Variants in AGBL4 observed in about 807,000 individuals in gnomAD.
The protein encoded by AGBL4 is cytosolic carboxypeptidase 6.
A neutral mutation model predicts 66.4 loss-of-function variants in AGBL4; 58 were observed. The observed-to-expected ratio is 0.87, with a 90% CI of 0.71 to 1.09. The LOEUF (loss-of-function observed/expected upper bound fraction) is 1.09. AGBL4 is among the 50% of genes least tolerant of loss of function. The probability of loss-of-function intolerance (pLI) is 0.00; values close to 1 mark genes in which losing one functional copy is unlikely to be tolerated. For synonymous variants in AGBL4, 234 were observed against 222.9 expected, an observed-to-expected ratio of 1.05 and a Z score of -0.44; for missense variants, 579 against 631.0, an observed-to-expected ratio of 0.92 and a Z score of 0.88.
At chr1:49,970,791 AATC>A (rs1374612008) in intron 1 of AGBL4, among the ~76,000 whole-genome samples, 1 of 151,916 alleles carries the variant, frequency 6.6e-6, no homozygotes, top group East Asian at 1.9e-4. Context: ...CAACATCATA[AATC>A]ATCAGGGAAA....
intron 5 of AGBL4, among the ~76,000 whole-genome samples, chr1:48,891,635 A>G (rs930010470): frequency 7.9e-5 from 12 of 152,230 alleles, no homozygotes; most frequent in Admixed American, 5.2e-4. Context: ...TTCAAATAAG[A>G]TAAGAGTTCA....
intron 3 of AGBL4, among the ~76,000 whole-genome samples, chr1:49,359,382 T>C (rs1012782404): frequency 6.6e-6 from 1 of 152,194 alleles, no homozygotes; most frequent in African/African-American, 2.4e-5. Flanking sequence ...TCTGAGGTAA[T>C]AGTTTAATAT....
intron 6 of AGBL4, among the ~76,000 whole-genome samples, chr1:48,680,525 C>A (rs12729782): frequency 0.024 from 3,615 of 152,320 alleles, 56 homozygotes; most frequent in South Asian, 0.042. Context: ...CAATCACTCC[C>A]CGACCCTGTC....
At chr1:49,559,266 T>A (rs1365019146) in intron 3 of AGBL4, among the ~76,000 whole-genome samples, 1 of 152,108 alleles carries the variant, frequency 6.6e-6, no homozygotes, top group Admixed American at 6.5e-5. Context: ...GGGAAAATAA[T>A]AGGAATCTCT....
chr1:49,153,178 C>G (rs1476533232), intron 4 of AGBL4, among the ~76,000 whole-genome samples: 9 of 152,002 alleles, frequency 5.9e-5, no homozygotes. Context: ...CTCATGATGC[C>G]CTAATCTCAA....
intron 6 of AGBL4, among the ~76,000 whole-genome samples, chr1:48,837,544 C>T (rs1385861558): frequency 6.6e-6 from 1 of 151,336 alleles, no homozygotes; most frequent in African/African-American, 2.4e-5. Flanking sequence ...TGCTTCCTGC[C>T]CTTGAACAAT....
chr1:49,051,401 T>G (rs61787583), intron 4 of AGBL4, among the ~76,000 whole-genome samples: 3,002 of 152,254 alleles, frequency 0.02, 44 homozygotes, highest in Non-Finnish European at 0.032. Context: ...CTCAGATTTA[T>G]CCAACAACGG....
chr1:49,735,968 G>T (rs1482490824), intron 2 of AGBL4, among the ~76,000 whole-genome samples: 1 of 151,780 alleles, frequency 6.6e-6, no homozygotes, highest in Admixed American at 6.6e-5. Context: ...TTAAAGATGG[G>T]TCAACTGAAA....
chr1:49,572,906 T>C (rs1042401439), intron 3 of AGBL4, among the ~76,000 whole-genome samples: 22 of 151,988 alleles, frequency 1.4e-4, no homozygotes, highest in Non-Finnish European at 2.8e-4. Context: ...CCAGTAAACA[T>C]AAAGTGGGCA....
chr1:49,845,012 G>T, intron 2 of AGBL4: 1 of 1,439,128 alleles, frequency 6.9e-7, no homozygotes, highest in Admixed American at 2.0e-5. Flanking sequence ...TGGGGAACAC[G>T]TGGAAAAAGG....
chr1:49,382,934 G>A (rs1644654097), intron 3 of AGBL4, among the ~76,000 whole-genome samples: 2 of 152,240 alleles, frequency 1.3e-5, no homozygotes, highest in South Asian at 2.1e-4. Context: ...TAGCCCATGA[G>A]TTCAAATCCA....
chr1:48,743,979 G>C (rs1385745437), intron 6 of AGBL4, among the ~76,000 whole-genome samples: 1 of 152,196 alleles, frequency 6.6e-6, no homozygotes, highest in Non-Finnish European at 1.5e-5. Context: ...GCACAAAGCT[G>C]AATGCAAGAT....
intron 11 of AGBL4, among the ~76,000 whole-genome samples, chr1:48,568,856 T>C (rs966194076): frequency 6.6e-6 from 1 of 152,202 alleles, no homozygotes; most frequent in Non-Finnish European, 1.5e-5. Flanking sequence ...CTCTTATTAA[T>C]AGTAATGTTT....
chr1:49,123,915 G>T (rs982568099), intron 4 of AGBL4, among the ~76,000 whole-genome samples: 2 of 152,050 alleles, frequency 1.3e-5, no homozygotes, highest in African/African-American at 4.8e-5. Context: ...CTCTCATTTT[G>T]CCAGAAGGGA....
At chr1:48,568,288 C>G (rs1418150631) in intron 11 of AGBL4, among the ~76,000 whole-genome samples, 2 of 152,084 alleles carry the variant, frequency 1.3e-5, no homozygotes, top group African/African-American at 2.4e-5. Flanking sequence ...TTAAACAACA[C>G]TCTTCTCTCT....
chr1:48,880,664 A>C (rs190751685), intron 5 of AGBL4, among the ~76,000 whole-genome samples: 21 of 152,260 alleles, frequency 1.4e-4, no homozygotes, highest in South Asian at 4.2e-4. Context: ...CCATTCTTGC[A>C]GGAGTAAGGT....
At chr1:49,487,194 C>T (rs1216257941) in intron 3 of AGBL4, among the ~76,000 whole-genome samples, 6 of 151,968 alleles carry the variant, frequency 3.9e-5, no homozygotes, top group Non-Finnish European at 1.5e-5. Context: ...TTTCATCCAA[C>T]TCATAACAAC....
chr1:48,872,829 G>A (rs1348695946), intron 5 of AGBL4, among the ~76,000 whole-genome samples: 3 of 152,084 alleles, frequency 2.0e-5, no homozygotes, highest in African/African-American at 7.2e-5. Flanking sequence ...TAAAAAGAGC[G>A]TACGCCAACC....
At chr1:49,847,147 C>T in intron 2 of AGBL4, among the ~76,000 whole-genome samples, 1 of 152,120 alleles carries the variant, frequency 6.6e-6, no homozygotes, top group East Asian at 1.9e-4. Context: ...GCCAACTACA[C>T]ATACATTGGG....
Sources: gnomAD v4.1 joint callset for allele counts (sites outside exome capture counted in the v4.1 genomes callset) on GRCh38, gnomAD v4.1.1 for gene constraint, MANE v1.5 for transcripts, NCBI Gene and HGNC (gene_info 2026-07-23, HGNC 2026-07-21) for gene names.